Variants in HDAC4 observed in about 807,000 individuals in gnomAD.
HDAC4 encodes histone deacetylase 4.
Under a neutral mutation model 135.1 loss-of-function variants are expected in HDAC4, and 16 were observed. The ratio of observed to expected loss-of-function variants is 0.12; its 90% confidence interval spans 0.08 to 0.18. HDAC4 has a LOEUF of 0.18. Ranked by LOEUF, HDAC4 falls within the 10% of genes least tolerant of loss-of-function variation. The probability of loss-of-function intolerance (pLI) is 1.00; values close to 1 mark genes in which losing one functional copy is unlikely to be tolerated. For synonymous variants in HDAC4, 685 were observed against 653.4 expected (o/e 1.05, Z -0.74); for missense variants, 1,143 against 1,511.8 (o/e 0.76, Z 4.05).
intron 2 of HDAC4, among the ~76,000 whole-genome samples, chr2:239,337,043 T>C (rs1691985662): frequency 6.6e-6 from 1 of 152,194 alleles, no homozygotes; most frequent in East Asian, 1.9e-4. Flanking sequence ...GTCTGATGTT[T>C]TTCCCATGGT....
In HDAC4 at chr2:239,115,188, C is replaced by T. The variant is rs1283109120; in HGVS notation, c.1656G>A (p.Gln552=). The T allele has an allele frequency of 6.2e-7, 1 of 1,611,174 alleles. No individual in the cohort carries two copies. The highest frequency in any genetic ancestry group is 8.5e-7 in the Non-Finnish European group (1 of 1,179,916). Residue 552 remains glutamine, a synonymous_variant, in exon 13 of 27, where the codon CAG becomes CAA. Transcript: ENST00000543185. This position sits in a 1 kb window ranked among gnomAD's most constrained non-coding sequence, Gnocchi z 6.3. ...CGCCGGCCTGTGCGTGCGCCTCCTT[C>T]TGCCCCGGCAGCCGGTCCAGGTAGG... ...DEPYLDRLPG[Q]KEAHAQAGVQ... is the part of the protein sequence containing the mutation.
chr2:239,093,971 G>T (rs1006290815), intron 17 of HDAC4: 64 of 985,224 alleles, frequency 6.5e-5, no homozygotes, highest in Non-Finnish European at 7.7e-5. Flanking sequence ...TTTCTGACGG[G>T]ATAATTTTCA....
Position 239,240,920 on chromosome 2 carries a change from A to G in HDAC4, c.23-4256T>C, listed in dbSNP as rs1011992720. Among the ~76,000 whole-genome samples the G allele has an allele frequency of 1.3e-5, 2 of 151,852 alleles. No individual in the cohort carries two copies. The highest frequency in any genetic ancestry group is 2.9e-5 in the Non-Finnish European group (2 of 68,046). ...TTTTGCTTTTCAGAATCCACCTTGC[A>G]TCAGACGGGTAGGTATGTCTAACCA... On this transcript the variant is annotated intron_variant, in intron 2 of 26. Transcript: ENST00000543185. The surrounding 1 kb of genome is among the most constrained non-coding windows in gnomAD (Gnocchi z 4.5).
chr2:239,132,646 C>T (rs531705136), intron 11 of HDAC4, among the ~76,000 whole-genome samples: 21 of 152,306 alleles, frequency 1.4e-4, no homozygotes, highest in African/African-American at 4.6e-4. Context: ...GAGTTCAGTG[C>T]GTTTCTCAGA....
intron 2 of HDAC4, among the ~76,000 whole-genome samples, chr2:239,288,572 G>T (rs2051277781): frequency 6.6e-6 from 1 of 151,478 alleles, no homozygotes; most frequent in Non-Finnish European, 1.5e-5. Context: ...AAAATTTTTA[G>T]AAATTATAAG....
chr2:239,392,254 G>A (rs576900194), intron 1 of HDAC4, among the ~76,000 whole-genome samples: 1 of 152,364 alleles, frequency 6.6e-6, no homozygotes, highest in Non-Finnish European at 1.5e-5. Context: ...CTTCAGGGCA[G>A]GCACTCGAAA....
chr2:239,289,478 CTAAGTAA>C, intron 2 of HDAC4, among the ~76,000 whole-genome samples: 1 of 152,204 alleles, frequency 6.6e-6, no homozygotes, highest in Non-Finnish European at 1.5e-5. Flanking sequence ...TAAAACACTT[CTAAGTAA>C]CATTTTTTCC....
chr2:239,053,243 T>A (rs2031162812), intron 26 of HDAC4, 107 bp from the exon 27 acceptor site: 1 of 1,462,118 alleles, frequency 6.8e-7, no homozygotes, highest in African/African-American at 1.4e-5. Context: ...CCCGCCAGCC[T>A]AGCCCTGGCC....
intron 3 of HDAC4, 69 bp downstream of exon 3, chr2:239,236,524 C>T: frequency 7.9e-7 from 1 of 1,262,188 alleles, no homozygotes; most frequent in South Asian, 1.3e-5. Context: ...TCCAATAAGG[C>T]AGAGCGTCTG....
At chr2:239,184,122 A>G (rs1030276909) in intron 4 of HDAC4, among the ~76,000 whole-genome samples, 2 of 151,042 alleles carry the variant, frequency 1.3e-5, no homozygotes, top group African/African-American at 4.9e-5. Flanking sequence ...CAGTGTGTAA[A>G]TGATTTTTAC....
Position 239,236,607 on chromosome 2 carries a change from T to C in HDAC4, c.80A>G (p.His27Arg). 6.4e-7 allele frequency: 1 copy of C among 1,551,686 alleles called. No homozygotes were observed. The highest frequency in any genetic ancestry group is 2.4e-5 in the East Asian group (1 of 40,918). Residue 27 changes from histidine to arginine, a missense_variant, in exon 3 of 27, where the codon CAC (histidine) becomes CGC (arginine). This residue lies in a region of HDAC4 where 247 missense variants were observed against 310.0 expected (regional missense o/e 0.80). Transcript: ENST00000543185. ...GGCGGACTTACCCGTGCTGGGCATG[T>C]GGTTCACGCGGGCAGGATTCAGCAG... is the stretch of plus-strand genomic sequence containing the variant. ...VELLNPARVN[H>R]MPSTVDVATA... is the part of the protein sequence containing the mutation.
intron 1 of HDAC4, among the ~76,000 whole-genome samples, chr2:239,395,147 G>C (rs1696475728): frequency 6.6e-6 from 1 of 152,224 alleles, no homozygotes; most frequent in South Asian, 2.1e-4. Context: ...GACTTAGAGA[G>C]AGCTAGAAAG....
intron 6 of HDAC4, among the ~76,000 whole-genome samples, chr2:239,158,600 C>T (rs535647973): frequency 6.6e-6 from 1 of 152,038 alleles, no homozygotes; most frequent in East Asian, 1.9e-4. Flanking sequence ...GCCCTGCCCC[C>T]CAACTGCCAG....
At chr2:239,063,190 G>T (rs2033012839) in intron 24 of HDAC4, among the ~76,000 whole-genome samples, 1 of 151,810 alleles carries the variant, frequency 6.6e-6, no homozygotes, top group South Asian at 2.1e-4. Context: ...CCGGGCCGTG[G>T]CCCTGCAGTC....
At chr2:239,116,868 G>A (rs185034417) in intron 12 of HDAC4, among the ~76,000 whole-genome samples, 4 of 152,272 alleles carry the variant, frequency 2.6e-5, no homozygotes, top group African/African-American at 4.8e-5. Context: ...TGAGCCTCCC[G>A]TGCATGTCAC....
intron 14 of HDAC4, among the ~76,000 whole-genome samples, chr2:239,108,536 C>T (rs2038367945): frequency 6.6e-6 from 1 of 152,130 alleles, no homozygotes; most frequent in Non-Finnish European, 1.5e-5. Flanking sequence ...CAGGGGTGAG[C>T]TCTATGTGGG....
At chr2:239,288,328 A>G (rs2051254854) in intron 2 of HDAC4, among the ~76,000 whole-genome samples, 1 of 152,242 alleles carries the variant, frequency 6.6e-6, no homozygotes, top group African/African-American at 2.4e-5. Context: ...AATCTAAAAT[A>G]ACCTATGTCA....
chr2:239,252,584 C>T (rs2048843582), intron 2 of HDAC4, among the ~76,000 whole-genome samples: 1 of 152,046 alleles, frequency 6.6e-6, no homozygotes, highest in Non-Finnish European at 1.5e-5. Context: ...CTGTTGCCTC[C>T]AAGAGCTCTC....
At position 239,208,224 on chromosome 2, in the gene HDAC4, G is replaced by A. The variant is rs560819457; in HGVS notation, c.95-18147C>T. ...TGCCTGTAGTCCCAGCTACTCCGGA[G>A]GCCGAGGCAGGAGAATGGCGTGAAC... On this transcript the variant is annotated intron_variant, in intron 3 of 26. Coordinates refer to ENST00000543185, the MANE Select transcript of HDAC4 (RefSeq NM_001378414.1). Among the ~76,000 whole-genome samples the A allele has an allele frequency of 2.1e-4, 32 of 150,546 alleles. 3 individuals carry two copies. The highest frequency in any genetic ancestry group is 1.8e-3 in the Admixed American group (28 of 15,136).
Sources: allele counts gnomAD v4.1 joint callset (sites outside exome capture counted in the v4.1 genomes callset), GRCh38; gene constraint gnomAD v4.1.1; regional missense constraint gnomAD v4.1.1; non-coding constraint Gnocchi (gnomAD v3.1); transcripts MANE v1.5; gene names NCBI Gene and HGNC (gene_info 2026-07-23, HGNC 2026-07-21).